The following GET1 variants were observed in gnomAD, a reference collection of about 807,000 sequenced individuals.
GET1 encodes the protein congenital heart disease 5 protein.
Under a neutral mutation model 22.6 loss-of-function variants are expected in GET1, and 20 were observed. The observed-to-expected ratio is 0.89, with a 90% CI of 0.62 to 1.29. The LOEUF (loss-of-function observed/expected upper bound fraction) is 1.29, where lower values mean the gene tolerates loss of function less well. GET1 is among the 50% of genes most tolerant of loss of function. The probability of loss-of-function intolerance (pLI) is 0.00; values close to 1 mark genes in which losing one functional copy is unlikely to be tolerated. For missense variants in GET1, 209 were observed against 219.9 expected, an observed-to-expected ratio of 0.95 and a Z score of 0.31; for synonymous variants, 92 against 83.8, an observed-to-expected ratio of 1.10 and a Z score of -0.53.
downstream of GET1, among the ~76,000 whole-genome samples, chr21:39,409,602 T>A (rs374224763): frequency 3.9e-3 from 591 of 152,142 alleles, 1 homozygote; most frequent in African/African-American, 0.014. This position sits in a 1 kb window ranked among gnomAD's most constrained non-coding sequence, Gnocchi z 4.2. Context: ...GTTTTTTTTT[T>A]AATTTTTTGA....
At chr21:39,390,893 C>T in intron 2 of GET1, 30 bp downstream of exon 2, 1 of 1,611,766 alleles carries the variant, frequency 6.2e-7, no homozygotes, top group Non-Finnish European at 8.5e-7. Context: ...CTGGAGGCTT[C>T]ATGAGAGCGG....
At chr21:39,420,835 T>A (rs763429355) in intron 1 of GET1, 2 of 1,612,794 alleles carry the variant, frequency 1.2e-6, no homozygotes, top group Non-Finnish European at 1.7e-6. Flanking sequence ...TCAGTTGTTT[T>A]TCCAAGCTCT....
At chr21:39,414,734 C>CTGTGTGTGTGTGTGTGTG (rs1446676855) in intron 1 of GET1, among the ~76,000 whole-genome samples, 8 of 103,268 alleles carry the variant, frequency 7.7e-5, no homozygotes, top group African/African-American at 3.3e-4. Context: ...CTCTCTCTCT[C>CTGTGTGTGTGTGTGTGTG]TCTCTCTCTG....
At chr21:39,383,011 C>T (rs1272668531) in intron 1 of GET1, among the ~76,000 whole-genome samples, 3 of 151,782 alleles carry the variant, frequency 2.0e-5, no homozygotes, top group Non-Finnish European at 4.4e-5. Flanking sequence ...AGTGCAGTAG[C>T]GCAGTCTCGG....
chr21:39,383,253 CTA>C (rs1229445560), intron 1 of GET1, among the ~76,000 whole-genome samples: 1 of 141,516 alleles, frequency 7.1e-6, no homozygotes, highest in African/African-American at 2.6e-5. Context: ...CGCGCCCAGC[CTA>C]TTTTTTTTTT....
At position 39,391,923 on chromosome 21, in the gene GET1, CG is replaced by C. The variant is rs1185640415; in HGVS notation, c.336+90del. 5 of 1,312,684 alleles carry C rather than the reference CG, an allele frequency of 3.8e-6. No individual in the cohort carries two copies. In the African/African-American group the frequency reaches 7.3e-5, roughly 19 times the overall value. 81.3% of individuals were successfully genotyped at this position (1,312,684 alleles called of 1,614,324 possible). Reference sequence around the variant, plus strand: ...GTCTGCAGATCCAGGGCTGGGAGTTCGGGCTGTTCCACCTTCAGCTGTCGTG... The same window carrying C: ...GTCTGCAGATCCAGGGCTGGGAGTTCGGCTGTTCCACCTTCAGCTGTCGTG... On this transcript the variant is annotated intron_variant, in intron 3 of 4. Coordinates refer to ENST00000649170, the MANE Select transcript of GET1 (RefSeq NM_004627.6).
At chr21:39,427,506 C>T (rs1330501926) in intron 1 of GET1, among the ~76,000 whole-genome samples, 2 of 151,134 alleles carry the variant, frequency 1.3e-5, no homozygotes, top group African/African-American at 4.9e-5. Flanking sequence ...ACTAAAAATA[C>T]AAAAAATTAG....
intron 3 of GET1, 65 bp downstream of exon 3, chr21:39,391,901 T>G: frequency 6.5e-7 from 1 of 1,536,900 alleles, no homozygotes; most frequent in South Asian, 1.1e-5. Context: ...GAGCCGTGTC[T>G]GCAGATCCAG....
exon 2 of GET1, chr21:39,428,338 G>T: frequency 6.2e-7 from 1 of 1,613,458 alleles, no homozygotes; most frequent in South Asian, 1.1e-5. Flanking sequence ...ACTGAGATCT[G>T]CTATAATCAA....
downstream of GET1, among the ~76,000 whole-genome samples, chr21:39,400,237 C>A (rs941708747): frequency 2.0e-5 from 3 of 152,160 alleles, no homozygotes; most frequent in African/African-American, 7.2e-5. Context: ...AAGCTTTCTC[C>A]CTTATGGTGG....
chr21:39,413,925 A>G (rs8130246), intron 1 of GET1: 76,049 of 151,574 alleles, frequency 0.5, 19,512 homozygotes, highest in East Asian at 0.67. Flanking sequence ...CAACAACAAG[A>G]GGCTGCGACA....
rs147915021 is a variant in GET1 at position 39,414,713 on chromosome 21, C to CCTCTCT, written c.*23+3801_*23+3806dup. On this transcript the variant is annotated intron_variant, in intron 1 of 1. Coordinates refer to the GET1 transcript ENST00000478273. Reference sequence around the variant, plus strand: ...AGTACTGCATCTGTCTGGTTCTCTCCCTCTCTCTCTCTCTCTCTCTCTCTC... The same window carrying CCTCTCT: ...AGTACTGCATCTGTCTGGTTCTCTCCCTCTCTCTCTCTCTCTCTCTCTCTCTCTCTC... Among the ~76,000 whole-genome samples the CCTCTCT allele has an allele frequency of 2.2e-3, 259 of 119,944 alleles. 1 individual carries two copies. The highest frequency in any genetic ancestry group is 6.0e-3 in the African/African-American group (182 of 30,210). The allele number at this position is 119,944 out of a possible 152,430, so 78.7% of individuals were successfully genotyped here. A position where few individuals can be genotyped will look rare whatever the true frequency, so the allele number is the denominator to read the frequency against.
intron 1 of GET1, among the ~76,000 whole-genome samples, chr21:39,416,447 A>G (rs966373045): frequency 6.6e-6 from 1 of 152,156 alleles, no homozygotes; most frequent in Non-Finnish European, 1.5e-5. Flanking sequence ...TTGTATGACA[A>G]TACGTTCCAG....
chr21:39,401,905 A>G (rs949234561), downstream of GET1, among the ~76,000 whole-genome samples: 1 of 152,054 alleles, frequency 6.6e-6, no homozygotes, highest in Admixed American at 6.6e-5. Context: ...TAATGTATAA[A>G]TGTGTGTGTG....
At position 39,415,978 on chromosome 21, in the gene GET1, C is replaced by T. The variant is rs138237794; in HGVS notation, c.*23+5041C>T. Among the ~76,000 whole-genome samples, 379 of 152,182 alleles carry T rather than the reference C, an allele frequency of 2.5e-3. 4 individuals are homozygous for T. Among genetic ancestry groups the T allele is most frequent in the South Asian group, 0.011 (52 of 4,808 alleles). On this transcript the variant is annotated intron_variant, in intron 1 of 1. Coordinates refer to the GET1 transcript ENST00000478273. Reference sequence around the variant, plus strand: ...TGGTGTGTACCTCTGTCAGGAAGCGCGTATCTCTTATGTGATACTAGGAGC... The same window carrying T: ...TGGTGTGTACCTCTGTCAGGAAGCGTGTATCTCTTATGTGATACTAGGAGC...
downstream of GET1, among the ~76,000 whole-genome samples, chr21:39,408,210 A>C (rs1289011920): frequency 6.6e-6 from 1 of 152,214 alleles, no homozygotes; most frequent in African/African-American, 2.4e-5. Flanking sequence ...AAGGAAAATG[A>C]CCCTCAACCT....
At chr21:39,417,451 TTCTC>T (rs1330664560) in intron 1 of GET1, among the ~76,000 whole-genome samples, 3 of 152,352 alleles carry the variant, frequency 2.0e-5, no homozygotes, top group East Asian at 1.9e-4. Context: ...TTCTACTCTA[TTCTC>T]TCTTTTTCTG....
downstream of GET1, among the ~76,000 whole-genome samples, chr21:39,398,865 A>G (rs796402077): frequency 4.5e-4 from 69 of 151,930 alleles, no homozygotes; most frequent in African/African-American, 1.7e-3. Flanking sequence ...TCGGCATCCC[A>G]AAGTGCTGGG....
At chr21:39,420,614 TAAA>T in intron 1 of GET1, 1 of 1,119,510 alleles carries the variant, frequency 8.9e-7, no homozygotes, top group Non-Finnish European at 1.3e-6. Flanking sequence ...GTATGTAAAA[TAAA>T]AAATCACTTA....
Sources: gnomAD v4.1 joint callset for allele counts (sites outside exome capture counted in the v4.1 genomes callset) on GRCh38, gnomAD v4.1.1 for gene constraint, Gnocchi (gnomAD v3.1) non-coding constraint, MANE v1.5 for transcripts, NCBI Gene and HGNC (gene_info 2026-07-23, HGNC 2026-07-21) for gene names.